Variants in PHACTR1 observed in about 807,000 individuals in gnomAD.
PHACTR1 encodes the protein phosphatase and actin regulator 1.
Under a neutral mutation model 69.2 loss-of-function variants are expected in PHACTR1, and 16 were observed. The ratio of observed to expected loss-of-function variants is 0.23; its 90% CI spans 0.16 to 0.35. PHACTR1 has a LOEUF of 0.35. Ranked by LOEUF, PHACTR1 falls within the 10% of genes least tolerant of loss-of-function variation. The pLI is 1.00. For missense variants in PHACTR1, 510 were observed against 734.7 expected (o/e 0.69, Z 3.54); for synonymous variants, 312 against 284.5 (o/e 1.10, Z -0.97).
chr6:12,872,523 A>G (rs1296451377), intron 4 of PHACTR1, among the ~76,000 whole-genome samples: 2 of 152,234 alleles, frequency 1.3e-5, no homozygotes, highest in Admixed American at 6.5e-5. Context: ...ACATATGTAC[A>G]TAACCACTTA....
chr6:13,176,307 T>G (rs995132598), intron 6 of PHACTR1, among the ~76,000 whole-genome samples: 2 of 152,228 alleles, frequency 1.3e-5, no homozygotes, highest in Non-Finnish European at 2.9e-5. Context: ...GTCATTGTAA[T>G]CCACATGTGC....
At chr6:13,019,347 G>A (rs1424817622) in intron 4 of PHACTR1, among the ~76,000 whole-genome samples, 2 of 152,188 alleles carry the variant, frequency 1.3e-5, no homozygotes, top group African/African-American at 4.8e-5. Flanking sequence ...GCAAATTTGA[G>A]TGAGTTTTTA....
chr6:13,205,866 C>T lies in PHACTR1; in HGVS notation c.716C>T (p.Pro239Leu), dbSNP rs549074819. The T allele has an allele frequency of 1.0e-5, 16 of 1,600,232 alleles. No homozygotes were observed. The highest frequency in any genetic ancestry group is 4.0e-5 in the African/African-American group (3 of 74,784). ...LPCLPVKLSPPLPPKKVMICM... is the reference protein window; with the variant it reads ...LPCLPVKLSPLLPPKKVMICM... ...TGTCTGCCAGTGAAACTGTCGCCTCCGCTACCTCCAAAGAAAGTCATGATC... is the reference window on the plus strand; with the variant it reads ...TGTCTGCCAGTGAAACTGTCGCCTCTGCTACCTCCAAAGAAAGTCATGATC... Residue 239 changes from proline (P) to leucine (L), a missense_variant, in exon 8 of 15, where the codon CCG becomes CTG. Pro to Leu is a moderately conservative substitution (Grantham distance 98, BLOSUM62 -3). Around this residue, in one of 2 missense-constraint regions of PHACTR1, gnomAD observed 419 missense variants for 530.9 expected, o/e 0.79. Transcript: ENST00000332995.
intron 4 of PHACTR1, among the ~76,000 whole-genome samples, chr6:12,984,556 T>C (rs530862622): frequency 6.6e-6 from 1 of 152,336 alleles, no homozygotes; most frequent in Non-Finnish European, 1.5e-5. Flanking sequence ...TAGGAACTTA[T>C]ATCATTGTTT....
chr6:12,847,427 C>T (rs1372865463), intron 4 of PHACTR1, among the ~76,000 whole-genome samples: 1 of 152,150 alleles, frequency 6.6e-6, no homozygotes, highest in Non-Finnish European at 1.5e-5. Flanking sequence ...GAGTAGTCAA[C>T]TTATATGACA....
chr6:13,280,621 TAAAA>T (rs1194297494), intron 12 of PHACTR1: 3 of 275,798 alleles, frequency 1.1e-5, no homozygotes, highest in African/African-American at 6.8e-5. Flanking sequence ...GTAAGAAAAA[TAAAA>T]AATAAAGCGT....
At chr6:12,944,869 G>T (rs374873972) in intron 4 of PHACTR1, among the ~76,000 whole-genome samples, 3 of 151,020 alleles carry the variant, frequency 2.0e-5, no homozygotes, top group Admixed American at 1.3e-4. Flanking sequence ...TGCGAGCTCC[G>T]CCTCCCGGGT....
At chr6:13,186,623 G>T (rs1250923669) in intron 7 of PHACTR1, among the ~76,000 whole-genome samples, 1 of 152,150 alleles carries the variant, frequency 6.6e-6, no homozygotes, top group African/African-American at 2.4e-5. Flanking sequence ...ACCCCTACAT[G>T]TAGTACATAT....
chr6:13,068,059 A>G (rs4715082), intron 5 of PHACTR1, among the ~76,000 whole-genome samples: 29,818 of 152,152 alleles, frequency 0.2, 3,223 homozygotes, highest in South Asian at 0.39. Context: ...GCTCACGCCT[A>G]TAATCCCATC....
chr6:13,126,763 A>G (rs141007575), intron 5 of PHACTR1, among the ~76,000 whole-genome samples: 165 of 152,380 alleles, frequency 1.1e-3, no homozygotes, highest in African/African-American at 3.7e-3. Flanking sequence ...CTTGCCCAGG[A>G]TCACACAATT....
intron 5 of PHACTR1, among the ~76,000 whole-genome samples, chr6:13,076,930 T>C (rs1376863046): frequency 8.7e-6 from 1 of 114,934 alleles, no homozygotes; most frequent in Admixed American, 1.2e-4. Context: ...GATATCACAC[T>C]CTGGGGACTG....
chr6:12,773,408 C>G (rs192323357), intron 4 of PHACTR1, among the ~76,000 whole-genome samples: 11 of 152,286 alleles, frequency 7.2e-5, no homozygotes, highest in African/African-American at 2.6e-4. Flanking sequence ...CTTCCAGTTA[C>G]TGTAACTTAT....
At chr6:13,075,303 CA>C (rs143753015) in intron 5 of PHACTR1, among the ~76,000 whole-genome samples, 273 of 152,242 alleles carry the variant, frequency 1.8e-3, no homozygotes, top group African/African-American at 6.1e-3. Context: ...CAACTTGCCC[CA>C]AGGTCGCGTG....
chr6:12,834,468 C>A (rs1477753199), intron 4 of PHACTR1, among the ~76,000 whole-genome samples: 2 of 152,006 alleles, frequency 1.3e-5, no homozygotes, highest in Admixed American at 6.6e-5. Flanking sequence ...GCAGTGTTAT[C>A]CAAGAAGTTA....
chr6:13,023,090 A>C (rs1801210980), intron 4 of PHACTR1, among the ~76,000 whole-genome samples: 1 of 152,220 alleles, frequency 6.6e-6, no homozygotes, highest in Admixed American at 6.5e-5. Flanking sequence ...CTGATTTTAG[A>C]ATTGAAAATG....
chr6:13,053,587 T>C (rs577782301), intron 5 of PHACTR1, 58 bp downstream of exon 5: 1 of 1,553,302 alleles, frequency 6.4e-7, no homozygotes, highest in South Asian at 1.2e-5. Context: ...AACTCTATTA[T>C]CTTAACAGAA....
intron 4 of PHACTR1, among the ~76,000 whole-genome samples, chr6:12,858,969 G>A (rs1359985647): frequency 1.3e-5 from 2 of 152,076 alleles, no homozygotes; most frequent in African/African-American, 2.4e-5. Flanking sequence ...GTTTCATAAG[G>A]GAGAAAACTA....
intron 4 of PHACTR1, among the ~76,000 whole-genome samples, chr6:12,994,293 TCTCTGTC>T (rs1797157286): frequency 6.6e-6 from 1 of 152,118 alleles, no homozygotes; most frequent in Non-Finnish European, 1.5e-5. Context: ...TAAAGCAACT[TCTCTGTC>T]ACTCCCTCAA....
At chr6:13,203,064 G>A (rs1294917735) in intron 7 of PHACTR1, among the ~76,000 whole-genome samples, 2 of 152,224 alleles carry the variant, frequency 1.3e-5, no homozygotes, top group Admixed American at 6.5e-5. Flanking sequence ...CTCAGCGGTA[G>A]GATCAGAAGT....
Sources: gnomAD v4.1 joint callset for allele counts (sites outside exome capture counted in the v4.1 genomes callset) on GRCh38, gnomAD v4.1.1 for gene constraint, gnomAD v4.1.1 regional missense constraint, MANE v1.5 for transcripts, NCBI Gene and HGNC (gene_info 2026-07-23, HGNC 2026-07-21) for gene names.